Variants in FGGY observed in about 807,000 individuals in gnomAD.
FGGY encodes FGGY carbohydrate kinase domain-containing protein.
FGGY carries 72 observed loss-of-function variants against 71.3 expected under a neutral mutation model. The observed-to-expected ratio is 1.01, with a 90% CI of 0.84 to 1.23. The LOEUF is 1.23. Ranked by LOEUF, FGGY falls within the 50% of genes most tolerant of loss-of-function variation. The probability of loss-of-function intolerance (pLI) is 0.00; values close to 1 mark genes in which losing one functional copy is unlikely to be tolerated. For missense variants in FGGY, 668 were observed against 682.3 expected (o/e 0.98, Z 0.23); for synonymous variants, 251 against 250.3 (o/e 1.00, Z -0.02).
intron 14 of FGGY, among the ~76,000 whole-genome samples, chr1:59,730,755 G>A (rs996588787): frequency 6.6e-6 from 1 of 152,180 alleles, no homozygotes; most frequent in African/African-American, 2.4e-5. Context: ...GGAGGTAGAG[G>A]TAAAGCATTG....
intron 10 of FGGY, among the ~76,000 whole-genome samples, chr1:59,637,380 C>T (rs931455826): frequency 6.6e-6 from 1 of 152,136 alleles, no homozygotes; most frequent in African/African-American, 2.4e-5. Flanking sequence ...CACCTGTAAT[C>T]CTAGCACTTT....
intron 4 of FGGY, among the ~76,000 whole-genome samples, chr1:59,353,181 G>A (rs11576388): frequency 0.19 from 28,993 of 152,028 alleles, 3,331 homozygotes; most frequent in East Asian, 0.35. Context: ...TATAAAATGA[G>A]GACAATAGTA....
chr1:59,399,701 TTTTC>T (rs2061715080), intron 5 of FGGY, among the ~76,000 whole-genome samples: 1 of 152,224 alleles, frequency 6.6e-6, no homozygotes, highest in Admixed American at 6.5e-5. Flanking sequence ...AATATAATTT[TTTTC>T]TTTGTGTTCC....
chr1:59,384,877 T>C (rs1278842260), intron 5 of FGGY, among the ~76,000 whole-genome samples: 1 of 152,182 alleles, frequency 6.6e-6, no homozygotes, highest in African/African-American at 2.4e-5. Flanking sequence ...AATTTGAATA[T>C]GCCAATTCCA....
In FGGY at chr1:59,388,695, A is replaced by G. The variant is rs140703189; in HGVS notation, c.554+9858A>G. Among the ~76,000 whole-genome samples, 30 of 152,272 alleles carry G rather than the reference A, an allele frequency of 2.0e-4. No homozygotes were observed. The East Asian group carries it at 3.7e-3, about 19-fold the overall frequency. ...GTATACATAATTACATATAATTCAC[A>G]TACTATATGATTCACTAATTTAAAG... On this transcript the variant is annotated intron_variant, in intron 5 of 15. Coordinates refer to ENST00000303721, the MANE Select transcript of FGGY (RefSeq NM_018291.5).
intron 4 of FGGY, among the ~76,000 whole-genome samples, chr1:59,377,085 G>A (rs976648055): frequency 1.3e-5 from 2 of 152,268 alleles, no homozygotes; most frequent in South Asian, 2.1e-4. Context: ...TTGTAGTAAG[G>A]GGATGAGAGT....
chr1:59,581,237 A>G (rs2096189135), intron 8 of FGGY, among the ~76,000 whole-genome samples: 1 of 149,972 alleles, frequency 6.7e-6, no homozygotes, highest in Non-Finnish European at 1.5e-5. Flanking sequence ...CTCATTATTT[A>G]TCTTTTTATT....
chr1:59,465,340 A>T (rs2092550603), intron 6 of FGGY, among the ~76,000 whole-genome samples: 1 of 152,214 alleles, frequency 6.6e-6, no homozygotes, highest in Non-Finnish European at 1.5e-5. Flanking sequence ...TAAACTAGGT[A>T]TTGATGGAAC....
chr1:59,329,704 C>T (rs976889563), intron 2 of FGGY, among the ~76,000 whole-genome samples: 1 of 152,218 alleles, frequency 6.6e-6, no homozygotes, highest in Admixed American at 6.5e-5. Flanking sequence ...GCATATCCTT[C>T]CTACCTTCCA....
intron 5 of FGGY, among the ~76,000 whole-genome samples, chr1:59,428,165 C>G (rs1212973265): frequency 6.6e-6 from 1 of 152,156 alleles, no homozygotes; most frequent in Non-Finnish European, 1.5e-5. Flanking sequence ...GCAAGTGATT[C>G]TAGAGGGATC....
intron 14 of FGGY, among the ~76,000 whole-genome samples, chr1:59,697,114 G>T (rs1270571929): frequency 6.6e-6 from 1 of 152,168 alleles, no homozygotes; most frequent in East Asian, 1.9e-4. Context: ...ATTGTGCCAG[G>T]CAAGAGAACA....
At chr1:59,535,681 C>A (rs1158881408) in intron 7 of FGGY, among the ~76,000 whole-genome samples, 1 of 150,578 alleles carries the variant, frequency 6.6e-6, no homozygotes, top group Non-Finnish European at 1.5e-5. Flanking sequence ...AAGAATCTCA[C>A]TCAAAACCGC....
intron 2 of FGGY, among the ~76,000 whole-genome samples, chr1:59,323,871 G>A (rs1022055726): frequency 3.3e-5 from 5 of 152,230 alleles, no homozygotes; most frequent in African/African-American, 1.2e-4. Context: ...ATAGAAGATA[G>A]TGAATTTCTA....
chr1:59,474,459 C>A (rs553766284), intron 6 of FGGY, among the ~76,000 whole-genome samples: 13 of 152,230 alleles, frequency 8.5e-5, no homozygotes, highest in African/African-American at 2.9e-4. Context: ...GAAATGAGAC[C>A]AGAAACCAGG....
At chr1:59,338,561 A>G (rs1394687494) in intron 2 of FGGY, among the ~76,000 whole-genome samples, 2 of 152,128 alleles carry the variant, frequency 1.3e-5, no homozygotes, top group East Asian at 3.8e-4. Context: ...GCCAATTTCC[A>G]TAACCCCAAA....
chr1:59,732,580 A>C (rs1387908589), intron 14 of FGGY, among the ~76,000 whole-genome samples: 2 of 151,892 alleles, frequency 1.3e-5, no homozygotes, highest in Non-Finnish European at 1.5e-5. Context: ...AGCAGGGTGG[A>C]GTTCTTATCA....
chr1:59,702,817 G>A (rs2097720709), intron 14 of FGGY, among the ~76,000 whole-genome samples: 1 of 152,168 alleles, frequency 6.6e-6, no homozygotes, highest in South Asian at 2.1e-4. Context: ...TATTGAATGT[G>A]TATGGACACC....
chr1:59,646,361 A>G (rs1162912858), intron 11 of FGGY, among the ~76,000 whole-genome samples: 1 of 151,910 alleles, frequency 6.6e-6, no homozygotes, highest in Non-Finnish European at 1.5e-5. Flanking sequence ...CAAATCCTAT[A>G]ACAAAGCTTA....
chr1:59,424,994 A>G (rs1233811128), intron 5 of FGGY, among the ~76,000 whole-genome samples: 1 of 152,076 alleles, frequency 6.6e-6, no homozygotes, highest in Admixed American at 6.5e-5. Context: ...TACATCTAGA[A>G]TCAAATTTGG....
Sources: allele counts gnomAD v4.1 joint callset (sites outside exome capture counted in the v4.1 genomes callset), GRCh38; gene constraint gnomAD v4.1.1; transcripts MANE v1.5; gene names NCBI Gene and HGNC (gene_info 2026-07-23, HGNC 2026-07-21).